The following CHAF1A variants were observed in gnomAD, a reference collection of about 807,000 sequenced individuals.
The protein encoded by CHAF1A is CAF-1 subunit A.
A neutral mutation model predicts 93.2 loss-of-function variants in CHAF1A; 5 were observed. The observed-to-expected ratio is 0.05, with a 90% CI of 0.03 to 0.11. The LOEUF (loss-of-function observed/expected upper bound fraction) is 0.11, where lower values mean the gene tolerates loss of function less well. Among genes scored for constraint, CHAF1A ranks in the 10% least tolerant of loss-of-function variants. The pLI, the probability that CHAF1A is intolerant of heterozygous loss-of-function variation, is 1.00. For missense variants in CHAF1A, 1,102 were observed against 1,259.9 expected (o/e 0.87, Z 1.90); for synonymous variants, 504 against 510.3 (o/e 0.99, Z 0.17).
At chr19:4,410,340 A>G (rs527563974) in intron 3 of CHAF1A, among the ~76,000 whole-genome samples, 4 of 152,078 alleles carry the variant, frequency 2.6e-5, no homozygotes, top group East Asian at 3.9e-4. Flanking sequence ...GATCACTTCA[A>G]AACCAACCTG....
chr19:4,405,703 G>T (rs1973668673), intron 1 of CHAF1A, among the ~76,000 whole-genome samples: 2 of 151,752 alleles, frequency 1.3e-5, no homozygotes, highest in Admixed American at 1.3e-4. Context: ...AGAATCCCTG[G>T]CCTCTACCCA....
downstream of CHAF1A, chr19:4,446,030 C>T (rs1315794413): frequency 6.3e-7 from 1 of 1,599,936 alleles, no homozygotes; most frequent in South Asian, 1.1e-5. Context: ...CAGCGGTGCT[C>T]CTGCGGGCCG....
chr19:4,439,830 A>C (rs531060221), intron 13 of CHAF1A, among the ~76,000 whole-genome samples: 1 of 152,118 alleles, frequency 6.6e-6, no homozygotes, highest in Admixed American at 6.5e-5. Flanking sequence ...ATCACTTGAG[A>C]CCAGGAGTTG....
intron 11 of CHAF1A, 108 bp from the exon 12 acceptor site, chr19:4,431,842 CCT>C: frequency 7.0e-7 from 1 of 1,424,784 alleles, no homozygotes; most frequent in Non-Finnish European, 9.5e-7. Flanking sequence ...GTTTTGTGCC[CCT>C]GTCCTTTCCT....
At chr19:4,405,807 G>A (rs1327343022) in intron 1 of CHAF1A, 105 bp from the exon 2 acceptor site, 5 of 967,072 alleles carry the variant, frequency 5.2e-6, no homozygotes, top group African/African-American at 1.6e-5. Flanking sequence ...GGACAGAGGG[G>A]TCAGAATTGC....
At chr19:4,435,092 T>C (rs1974259105) in intron 13 of CHAF1A, among the ~76,000 whole-genome samples, 1 of 132,094 alleles carries the variant, frequency 7.6e-6, no homozygotes, top group Non-Finnish European at 1.6e-5. Context: ...TTTTCCTTTT[T>C]TTTTTTTTTT....
chr19:4,423,976 G>GCTCCCTCCCTCCTAAT, intron 7 of CHAF1A, 102 bp downstream of exon 7: 3 of 1,107,038 alleles, frequency 2.7e-6, no homozygotes, highest in Non-Finnish European at 4.1e-6. Flanking sequence ...TCATTAGGAG[G>GCTCCCTCCCTCCTAAT]GAGGGAGCCT....
At position 4,442,153 on chromosome 19, in the gene CHAF1A, G is replaced by A. The variant is rs1306701919; in HGVS notation, c.2674-92G>A. ...CTTCCGTGTTGGGGGTGGGAGGAAG[G>A]TGTCACACCTGTGGAGTTCCCCCCG... On this transcript the variant is annotated intron_variant, in intron 13 of 14. Coordinates refer to ENST00000301280, the MANE Select transcript of CHAF1A (RefSeq NM_005483.3). 6 of 966,186 alleles carry A rather than the reference G, an allele frequency of 6.2e-6. No individual in the cohort carries two copies. The African/African-American group carries it at 6.4e-5, about 10-fold the overall frequency. 59.9% of individuals were successfully genotyped at this position (966,186 alleles called of 1,614,324 possible).
chr19:4,414,151 A>T (rs1444898365), intron 3 of CHAF1A, among the ~76,000 whole-genome samples: 1 of 152,198 alleles, frequency 6.6e-6, no homozygotes, highest in Non-Finnish European at 1.5e-5. Context: ...CTGTAACCCC[A>T]GCACTTTGGG....
intron 13 of CHAF1A, among the ~76,000 whole-genome samples, chr19:4,434,575 C>T (rs1481934114): frequency 6.6e-6 from 1 of 152,146 alleles, no homozygotes; most frequent in Admixed American, 6.6e-5. Context: ...TCCAGATTGC[C>T]CTGTAGCTGG....
downstream of CHAF1A, chr19:4,445,496 T>C (rs1256626299): frequency 1.2e-6 from 2 of 1,613,694 alleles, no homozygotes; most frequent in African/African-American, 2.7e-5. Context: ...CCTGCTTTTA[T>C]TTCACAAGAG....
intron 3 of CHAF1A, among the ~76,000 whole-genome samples, chr19:4,417,380 C>G (rs1036991958): frequency 2.0e-5 from 3 of 151,864 alleles, no homozygotes; most frequent in Non-Finnish European, 4.4e-5. Flanking sequence ...TGTAAGAACT[C>G]CATCTCCTTT....
downstream of CHAF1A, chr19:4,446,799 T>G: frequency 1.2e-6 from 2 of 1,613,754 alleles, no homozygotes; most frequent in East Asian, 2.2e-5. Flanking sequence ...AGGCCCCTCG[T>G]CCCCATTCCC....
chr19:4,426,308 C>G (rs1974080003), intron 7 of CHAF1A, among the ~76,000 whole-genome samples: 1 of 151,528 alleles, frequency 6.6e-6, no homozygotes, highest in African/African-American at 2.4e-5. Context: ...GCTGGGACTA[C>G]AAGCGCCCGC....
At chr19:4,447,734 A>G, downstream of CHAF1A, 3 of 1,129,246 alleles carry the variant, frequency 2.7e-6, no homozygotes, top group African/African-American at 1.5e-5. Flanking sequence ...GCCTCTAGTC[A>G]GAGGGAAGAA....
intron 1 of CHAF1A, among the ~76,000 whole-genome samples, chr19:4,403,392 G>A (rs1973622444): frequency 6.6e-6 from 1 of 152,220 alleles, no homozygotes; most frequent in African/African-American, 2.4e-5. Flanking sequence ...GCCCACCACA[G>A]GCCTCCTGAA....
intron 13 of CHAF1A, among the ~76,000 whole-genome samples, chr19:4,441,930 A>G (rs113068435): frequency 3.3e-5 from 5 of 152,344 alleles, no homozygotes; most frequent in African/African-American, 1.2e-4. Flanking sequence ...ATACAGTTGT[A>G]ATCTGATGGG....
chr19:4,411,053 G>A (rs1248781498), intron 3 of CHAF1A, among the ~76,000 whole-genome samples: 1 of 151,984 alleles, frequency 6.6e-6, no homozygotes, highest in Non-Finnish European at 1.5e-5. Flanking sequence ...AAGAGACAGT[G>A]CCTTTTTATG....
chr19:4,415,892 G>C (rs1973888600), intron 3 of CHAF1A, among the ~76,000 whole-genome samples: 1 of 152,170 alleles, frequency 6.6e-6, no homozygotes, highest in South Asian at 2.1e-4. Flanking sequence ...AATCACTGTT[G>C]GCCGGGCGCG....
Sources: allele counts gnomAD v4.1 joint callset (sites outside exome capture counted in the v4.1 genomes callset), GRCh38; gene constraint gnomAD v4.1.1; transcripts MANE v1.5; gene names NCBI Gene and HGNC (gene_info 2026-07-23, HGNC 2026-07-21).